Variants in GRAMD2B observed in about 807,000 individuals in gnomAD.
GRAMD2B encodes the protein GRAM domain-containing protein 2B.
In GRAMD2B, 41 loss-of-function variants were observed where a neutral mutation model predicts 59.2. The observed-to-expected ratio is 0.69, with a 90% CI of 0.54 to 0.90. The LOEUF (loss-of-function observed/expected upper bound fraction) is 0.90. Ranked by LOEUF, GRAMD2B falls within the 40% of genes least tolerant of loss-of-function variation. The probability of loss-of-function intolerance (pLI) is 0.00; values close to 1 mark genes in which losing one functional copy is unlikely to be tolerated. For missense variants in GRAMD2B, 424 were observed against 500.5 expected (o/e 0.85, Z 1.46); for synonymous variants, 161 against 182.7 (o/e 0.88, Z 0.96).
chr5:126,389,600 T>C (rs1664648240), intron 1 of GRAMD2B, among the ~76,000 whole-genome samples: 1 of 152,232 alleles, frequency 6.6e-6, no homozygotes, highest in South Asian at 2.1e-4. Flanking sequence ...GTGCTTAAAA[T>C]AAATGTTTCA....
In GRAMD2B at chr5:126,484,538, G is replaced by A. The variant is rs1772503790; in HGVS notation, c.970+14G>A. 4 of 1,598,738 alleles carry A rather than the reference G, an allele frequency of 2.5e-6. No homozygotes were observed. Among genetic ancestry groups the A allele is most frequent in the Non-Finnish European group, 8.5e-7 (1 of 1,175,114 alleles). ...TCCCTGTACAGGGTAAGGAATGGAT[G>A]TCTCAGGGGGGTGGGTTTAGAAGGA... On this transcript the variant is annotated intron_variant, in intron 10 of 13. Transcript: ENST00000285689.
At position 126,384,280 on chromosome 5, in the gene GRAMD2B, T is replaced by A. The variant is rs961512674; in HGVS notation, c.125+12713T>A. On this transcript the variant is annotated intron_variant, in intron 1 of 8. Coordinates refer to the GRAMD2B transcript ENST00000506445. ...TACTATAGAAGGCAGACAATGTACA[T>A]GCAGTTTGAAAATTAAATTATGAGC... 2.0e-5 allele frequency among the ~76,000 whole-genome samples: 3 copies of A among 152,168 alleles called. No individual in the cohort carries two copies. The East Asian group carries it at 5.8e-4, about 29-fold the overall frequency.
intron 1 of GRAMD2B, among the ~76,000 whole-genome samples, chr5:126,386,037 G>A (rs1291038229): frequency 1.3e-5 from 2 of 152,148 alleles, no homozygotes; most frequent in Non-Finnish European, 2.9e-5. Flanking sequence ...TCCTCAAAGA[G>A]TAAACATGAA....
chr5:126,444,944 G>C (rs74591712), intron 1 of GRAMD2B, among the ~76,000 whole-genome samples: 1 of 152,138 alleles, frequency 6.6e-6, no homozygotes, highest in African/African-American at 2.4e-5. Context: ...GAGAACATAC[G>C]GTGTTTGATT....
At chr5:126,465,659 A>G (rs1768199203) in intron 2 of GRAMD2B, 114 bp downstream of exon 2, 1 of 891,856 alleles carries the variant, frequency 1.1e-6, no homozygotes, top group Non-Finnish European at 1.7e-6. Context: ...ATAGACAAAT[A>G]ATACTCCTGA....
intron 1 of GRAMD2B, among the ~76,000 whole-genome samples, chr5:126,448,276 G>C (rs1764718874): frequency 6.6e-6 from 1 of 152,070 alleles, no homozygotes; most frequent in Non-Finnish European, 1.5e-5. Context: ...AGGGGGTTGG[G>C]GAAGTTGCCA....
intron 1 of GRAMD2B, among the ~76,000 whole-genome samples, chr5:126,436,890 C>G (rs945671526): frequency 6.6e-6 from 1 of 152,168 alleles, no homozygotes; most frequent in African/African-American, 2.4e-5. Flanking sequence ...AGACAGAAAT[C>G]ATTCTAACTG....
intron 6 of GRAMD2B, among the ~76,000 whole-genome samples, chr5:126,478,233 T>C (rs1419006749): frequency 7.1e-6 from 1 of 140,090 alleles, no homozygotes; most frequent in Admixed American, 7.1e-5. Flanking sequence ...AGCCCAGGAG[T>C]TGGGAACCAG....
chr5:126,375,885 T>C (rs2408632), intron 1 of GRAMD2B, among the ~76,000 whole-genome samples: 42,935 of 152,140 alleles, frequency 0.28, 6,242 homozygotes, highest in Middle Eastern at 0.41. Flanking sequence ...TTTCCCAGCC[T>C]CCATTGAGTT....
intron 1 of GRAMD2B, among the ~76,000 whole-genome samples, chr5:126,437,568 T>A (rs1762611369): frequency 6.6e-6 from 1 of 152,068 alleles, no homozygotes; most frequent in Non-Finnish European, 1.5e-5. Flanking sequence ...GGAGAGAACC[T>A]GAGAATGATT....
At chr5:126,459,457 C>A (rs537933600) in intron 1 of GRAMD2B, among the ~76,000 whole-genome samples, 4 of 152,252 alleles carry the variant, frequency 2.6e-5, no homozygotes, top group African/African-American at 9.6e-5. Flanking sequence ...TAAAAGTCAA[C>A]TATAGGATGT....
intron 1 of GRAMD2B, among the ~76,000 whole-genome samples, chr5:126,384,122 A>T (rs1306121303): frequency 2.6e-5 from 4 of 152,164 alleles, no homozygotes. Context: ...TTACTAAAGC[A>T]GAATCTTCAG....
At chr5:126,420,743 A>G (rs1759651259), upstream of GRAMD2B, among the ~76,000 whole-genome samples, 1 of 152,234 alleles carries the variant, frequency 6.6e-6, no homozygotes, top group Non-Finnish European at 1.5e-5. Context: ...GTATATATCC[A>G]AAAGAAATGA....
At chr5:126,388,539 T>A (rs559382440) in intron 1 of GRAMD2B, among the ~76,000 whole-genome samples, 1 of 152,122 alleles carries the variant, frequency 6.6e-6, no homozygotes, top group South Asian at 2.1e-4. Context: ...TATGAAAGGT[T>A]TATTCCATTG....
At chr5:126,387,671 A>C (rs1756291111) in intron 1 of GRAMD2B, among the ~76,000 whole-genome samples, 1 of 152,098 alleles carries the variant, frequency 6.6e-6, no homozygotes, top group Non-Finnish European at 1.5e-5. Context: ...GCAAAGCACT[A>C]AGTCTCTCTT....
At chr5:126,423,394 A>G (rs566049063), upstream of GRAMD2B, 1 of 1,345,912 alleles carries the variant, frequency 7.4e-7, no homozygotes, top group Admixed American at 4.2e-5. Flanking sequence ...CGGCTTTTCC[A>G]CAGTGGGTCG....
chr5:126,466,156 A>C (rs1223989273), intron 2 of GRAMD2B: 2 of 1,350,084 alleles, frequency 1.5e-6, no homozygotes, highest in African/African-American at 2.9e-5. Flanking sequence ...GGGTGAGTGC[A>C]GTTTATCTAA....
chr5:126,457,599 C>T (rs1766552728), intron 1 of GRAMD2B, among the ~76,000 whole-genome samples: 1 of 151,676 alleles, frequency 6.6e-6, no homozygotes, highest in South Asian at 2.1e-4. Context: ...CCACTGCACT[C>T]CAGCCTGGGC....
intron 1 of GRAMD2B, among the ~76,000 whole-genome samples, chr5:126,414,904 T>C (rs1214153392): frequency 6.6e-6 from 1 of 152,178 alleles, no homozygotes; most frequent in East Asian, 1.9e-4. Flanking sequence ...GGTTTTGCAA[T>C]TGGTTTATAC....
Sources: gnomAD v4.1 joint callset for allele counts (sites outside exome capture counted in the v4.1 genomes callset) on GRCh38, gnomAD v4.1.1 for gene constraint, MANE v1.5 for transcripts, NCBI Gene and HGNC (gene_info 2026-07-23, HGNC 2026-07-21) for gene names.